PTPRE: variants seen among roughly 807,000 people sequenced by gnomAD.
The protein encoded by PTPRE is receptor-type tyrosine-protein phosphatase epsilon.
A neutral mutation model predicts 102.0 loss-of-function variants in PTPRE; 51 were observed. The ratio of observed to expected loss-of-function variants is 0.50; its 90% CI spans 0.40 to 0.63. The LOEUF (loss-of-function observed/expected upper bound fraction) is 0.63. Ranked by LOEUF, PTPRE falls within the 30% of genes least tolerant of loss-of-function variation. The probability of loss-of-function intolerance (pLI) is 0.00; values close to 1 mark genes in which losing one functional copy is unlikely to be tolerated. For synonymous variants in PTPRE, 345 were observed against 348.2 expected, an observed-to-expected ratio of 0.99 and a Z score of 0.10; for missense variants, 752 against 915.1, an observed-to-expected ratio of 0.82 and a Z score of 2.30.
At chr10:127,920,724 G>A (rs1410019904) in intron 1 of PTPRE, among the ~76,000 whole-genome samples, 5 of 152,326 alleles carry the variant, frequency 3.3e-5, no homozygotes, top group South Asian at 2.1e-4. Context: ...AGGGATGCAC[G>A]AGATGGAAAT....
intron 1 of PTPRE, among the ~76,000 whole-genome samples, chr10:127,925,860 G>A (rs1022897194): frequency 1.3e-5 from 2 of 152,122 alleles, no homozygotes; most frequent in African/African-American, 4.8e-5. Context: ...TAGGTAAAGG[G>A]CACCTCACCA....
At chr10:128,029,318 G>A (rs1846529296) in intron 2 of PTPRE, among the ~76,000 whole-genome samples, 3 of 152,268 alleles carry the variant, frequency 2.0e-5, no homozygotes, top group East Asian at 1.9e-4. Flanking sequence ...ACACATGGGC[G>A]GGTCCTGGCT....
At chr10:127,972,951 G>A (rs1589871544) in intron 1 of PTPRE, among the ~76,000 whole-genome samples, 1 of 152,348 alleles carries the variant, frequency 6.6e-6, no homozygotes, top group South Asian at 2.1e-4. Context: ...TACACTTTGG[G>A]ATGATTCCTT....
chr10:128,056,007 A>C, intron 6 of PTPRE, 116 bp from the exon 7 acceptor site: 1 of 771,308 alleles, frequency 1.3e-6, no homozygotes, highest in South Asian at 1.5e-5. Context: ...CGGACTATGG[A>C]CAGCAGGTAG....
At chr10:127,963,964 G>A (rs1232533201) in intron 1 of PTPRE, among the ~76,000 whole-genome samples, 1 of 152,138 alleles carries the variant, frequency 6.6e-6, no homozygotes, top group Non-Finnish European at 1.5e-5. Flanking sequence ...AAGGAGTTCA[G>A]TTTTATTAAT....
chr10:127,909,654 G>A (rs974504191), intron 1 of PTPRE, among the ~76,000 whole-genome samples: 3 of 152,290 alleles, frequency 2.0e-5, no homozygotes, highest in Admixed American at 2.0e-4. Flanking sequence ...TGTTGCTTCT[G>A]AAATGTATGC....
intron 2 of PTPRE, among the ~76,000 whole-genome samples, chr10:128,013,890 A>G (rs1185282171): frequency 6.6e-6 from 1 of 152,046 alleles, no homozygotes; most frequent in Non-Finnish European, 1.5e-5. Flanking sequence ...TCCCGAAGGC[A>G]GGGCTGTGTT....
intron 17 of PTPRE, among the ~76,000 whole-genome samples, chr10:128,073,850 T>C (rs1850996354): frequency 6.6e-6 from 1 of 152,234 alleles, no homozygotes; most frequent in Non-Finnish European, 1.5e-5. Context: ...CTATCTGGGT[T>C]CTCCCCCAAG....
chr10:127,959,757 A>T (rs1589835463), intron 1 of PTPRE, among the ~76,000 whole-genome samples: 1 of 152,110 alleles, frequency 6.6e-6, no homozygotes, highest in Non-Finnish European at 1.5e-5. Context: ...GTGACTTAGG[A>T]TTGTCTCCTT....
At chr10:127,913,173 C>T (rs1289974849) in intron 1 of PTPRE, among the ~76,000 whole-genome samples, 1 of 152,146 alleles carries the variant, frequency 6.6e-6, no homozygotes, top group African/African-American at 2.4e-5. Context: ...GAGGCCTGGC[C>T]CCATGATCAC....
At chr10:127,983,046 C>T (rs1002367172) in intron 2 of PTPRE, among the ~76,000 whole-genome samples, 1 of 152,204 alleles carries the variant, frequency 6.6e-6, no homozygotes, top group African/African-American at 2.4e-5. Flanking sequence ...CACCAGGAAG[C>T]TGTATTTCCT....
rs563186318 is a variant in PTPRE, at chr10:127,989,338, ATGCCTTATGCTTAAACAAAAAT to A, written c.-8+7046_-8+7067del. On this transcript the variant is annotated intron_variant, in intron 2 of 20. Coordinates refer to ENST00000254667, the MANE Select transcript of PTPRE (RefSeq NM_006504.6). ...TTTCCTGTTTTTCCAGATAACTTAC[ATGCCTTATGCTTAAACAAAAAT>A]TGCATTTCTGATAAGACACATACAT... Among the ~76,000 whole-genome samples the A allele has an allele frequency of 6.0e-3, 908 of 152,356 alleles. 15 individuals are homozygous for A. Among genetic ancestry groups the A allele is most frequent in the African/African-American group, 0.021 (868 of 41,578 alleles).
intron 2 of PTPRE, chr10:127,987,501 C>A: frequency 2.2e-6 from 1 of 460,408 alleles, no homozygotes; most frequent in Non-Finnish European, 3.5e-6. Context: ...AGAATATTAC[C>A]AGGAAGGCGT....
chr10:127,974,364 G>A (rs1266433196), intron 1 of PTPRE, among the ~76,000 whole-genome samples: 8 of 152,208 alleles, frequency 5.3e-5, no homozygotes, highest in African/African-American at 1.9e-4. Context: ...CAACTTATTT[G>A]CCATTTCCAG....
At chr10:127,993,913 G>T (rs1327941168) in intron 2 of PTPRE, among the ~76,000 whole-genome samples, 4 of 152,036 alleles carry the variant, frequency 2.6e-5, no homozygotes, top group Non-Finnish European at 4.4e-5. Context: ...AGGAGTTGGG[G>T]GAGTCTCAGT....
chr10:127,914,410 A>G (rs911830280), intron 1 of PTPRE, among the ~76,000 whole-genome samples: 3 of 152,198 alleles, frequency 2.0e-5, no homozygotes, highest in African/African-American at 7.2e-5. Flanking sequence ...TTCTGACACT[A>G]TCATACTTCC....
intron 7 of PTPRE, among the ~76,000 whole-genome samples, chr10:128,060,624 A>G (rs1849501072): frequency 6.6e-6 from 1 of 152,196 alleles, no homozygotes. Context: ...GGGGCCTGGC[A>G]CATTCTGCTA....
intron 2 of PTPRE, among the ~76,000 whole-genome samples, chr10:128,039,340 G>A (rs1290427715): frequency 1.3e-5 from 2 of 152,028 alleles, no homozygotes; most frequent in African/African-American, 2.4e-5. Context: ...TCTATCCTTC[G>A]GGAACCTCTG....
chr10:128,084,886 G>C lies in PTPRE; in HGVS notation c.*1980G>C, dbSNP rs1007551054. On this transcript the variant is annotated 3_prime_UTR_variant, in exon 21 of 21. Transcript: ENST00000254667. ...TTTGGTTCATGTCTAGGAGCCCTCTGTCAGAATCCTTGAAGCCCTTTAATG... is the reference window on the plus strand; with the variant it reads ...TTTGGTTCATGTCTAGGAGCCCTCTCTCAGAATCCTTGAAGCCCTTTAATG... 2 of 217,796 alleles carry C rather than the reference G, an allele frequency of 9.2e-6. No individual in the cohort carries two copies. The highest frequency in any genetic ancestry group is 2.0e-5 in the Non-Finnish European group (2 of 102,098). 13.5% of individuals were successfully genotyped at this position (217,796 alleles called of 1,614,324 possible).
Sources: allele counts gnomAD v4.1 joint callset (sites outside exome capture counted in the v4.1 genomes callset), GRCh38; gene constraint gnomAD v4.1.1; transcripts MANE v1.5; gene names NCBI Gene and HGNC (gene_info 2026-07-23, HGNC 2026-07-21).